AGAP1: variants seen among roughly 807,000 people sequenced by gnomAD.
The protein encoded by AGAP1 is ArfGAP with GTPase domain, ankyrin repeat and PH domain 1.
In AGAP1, 29 loss-of-function variants were observed where a neutral mutation model predicts 105.3. The observed-to-expected ratio is 0.28, with a 90% CI of 0.21 to 0.38. The LOEUF is 0.38. Ranked by LOEUF, AGAP1 falls within the 10% of genes least tolerant of loss-of-function variation. The pLI is 1.00. For synonymous variants in AGAP1, 509 were observed against 485.9 expected (o/e 1.05, Z -0.63); for missense variants, 998 against 1,165.1 (o/e 0.86, Z 2.09).
rs1287211404 is a variant in AGAP1 at position 236,051,721 on chromosome 2, G to C, written c.2114+2440G>C. Among the ~76,000 whole-genome samples the C allele has an allele frequency of 2.6e-5, 4 of 152,198 alleles. No individual in the cohort carries two copies. Among genetic ancestry groups the C allele is most frequent in the Non-Finnish European group, 5.9e-5 (4 of 68,036 alleles). ...CCCTGGGGGCAGGGGAGAGGGGAAGGGTTTGTCTATTCATGGGTTCTGTCT... is the reference window on the plus strand; with the variant it reads ...CCCTGGGGGCAGGGGAGAGGGGAAGCGTTTGTCTATTCATGGGTTCTGTCT... On this transcript the variant is annotated intron_variant, in intron 16 of 17. Coordinates refer to ENST00000304032, the MANE Select transcript of AGAP1 (RefSeq NM_001037131.3). The surrounding 1 kb of genome is among the most constrained non-coding windows in gnomAD (Gnocchi z 5.9).
intron 9 of AGAP1, among the ~76,000 whole-genome samples, chr2:235,847,343 TC>T (rs1246742675): frequency 1.3e-5 from 2 of 152,248 alleles, no homozygotes; most frequent in Non-Finnish European, 2.9e-5. Context: ...GAATGCTCTT[TC>T]TACTCACTGA....
chr2:235,583,965 C>A (rs1384744768), intron 1 of AGAP1, among the ~76,000 whole-genome samples: 1 of 152,022 alleles, frequency 6.6e-6, no homozygotes, highest in African/African-American at 2.4e-5. Context: ...CTCGGCCCCC[C>A]AGAGTGCTGG....
Position 235,690,975 on chromosome 2 carries a change from G to A in AGAP1, c.164-18204G>A, listed in dbSNP as rs1320555326. Among the ~76,000 whole-genome samples, 1 of 152,146 alleles carries A rather than the reference G, an allele frequency of 6.6e-6. No homozygotes were observed. The highest frequency in any genetic ancestry group is 1.5e-5 in the Non-Finnish European group (1 of 68,026). On this transcript the variant is annotated intron_variant, in intron 1 of 17. Coordinates refer to ENST00000304032, the MANE Select transcript of AGAP1 (RefSeq NM_001037131.3). This position sits in a 1 kb window ranked among gnomAD's most constrained non-coding sequence, Gnocchi z 4.1. Reference sequence around the variant, plus strand: ...AGATATGCCAGGAGCCTTCTTGGAAGTCGCTCACCACCTGGTTTTCTCCAA... The same window carrying A: ...AGATATGCCAGGAGCCTTCTTGGAAATCGCTCACCACCTGGTTTTCTCCAA...
intron 12 of AGAP1, among the ~76,000 whole-genome samples, chr2:235,945,162 G>A (rs1053582741): frequency 3.9e-5 from 6 of 152,090 alleles, no homozygotes; most frequent in African/African-American, 9.7e-5. Context: ...GTGCAGTGGC[G>A]CGATCTCGGC....
At chr2:235,575,709 T>G (rs1944710321) in intron 1 of AGAP1, among the ~76,000 whole-genome samples, 1 of 152,206 alleles carries the variant, frequency 6.6e-6, no homozygotes, top group African/African-American at 2.4e-5. Context: ...CGCACAGGTT[T>G]GCATGCCTAA....
Position 235,705,085 on chromosome 2 carries a change from T to C in AGAP1, c.164-4094T>C, listed in dbSNP as rs1950473391. Among the ~76,000 whole-genome samples, 3 of 146,650 alleles carry C rather than the reference T, an allele frequency of 2.0e-5. No individual in the cohort carries two copies. Among genetic ancestry groups the C allele is most frequent in the South Asian group, 4.7e-4 (2 of 4,240 alleles). On this transcript the variant is annotated intron_variant, in intron 1 of 17. Coordinates refer to ENST00000304032, the MANE Select transcript of AGAP1 (RefSeq NM_001037131.3). The surrounding 1 kb of genome is among the most constrained non-coding windows in gnomAD (Gnocchi z 4.9). ...CCTCTACCTCCCGGGTTCAAGCACT[T>C]CTCCTGCCTCAGCCTCCCGAGCAGC...
At position 236,005,288 on chromosome 2, in the gene AGAP1, G is replaced by A. The variant is rs1576033694; in HGVS notation, c.1646-31273G>A. On this transcript the variant is annotated intron_variant, in intron 13 of 17. Coordinates refer to ENST00000304032, the MANE Select transcript of AGAP1 (RefSeq NM_001037131.3). The surrounding 1 kb of genome is among the most constrained non-coding windows in gnomAD (Gnocchi z 4.1). ...AGCCTCCCAAATAGCTGGGACTACA[G>A]GAGTGTGCCACCGGCTAATTTTTTT... Among the ~76,000 whole-genome samples the A allele has an allele frequency of 6.6e-6, 1 of 152,080 alleles. No homozygotes were observed. Among genetic ancestry groups the A allele is most frequent in the East Asian group, 1.9e-4 (1 of 5,182 alleles).
chr2:235,661,067 A>C (rs1947931451), intron 1 of AGAP1, among the ~76,000 whole-genome samples: 1 of 152,146 alleles, frequency 6.6e-6, no homozygotes, highest in Admixed American at 6.6e-5. Flanking sequence ...CTCTGATTGC[A>C]GGAGTAAGGA....
At chr2:235,860,420 C>T (rs975022570) in intron 9 of AGAP1, among the ~76,000 whole-genome samples, 1 of 152,000 alleles carries the variant, frequency 6.6e-6, no homozygotes, top group African/African-American at 2.4e-5. Flanking sequence ...CTTTTTCTAA[C>T]TGCGCAGCTT....
Position 235,893,014 on chromosome 2 carries a change from A to G in AGAP1, c.1155+9565A>G, listed in dbSNP as rs1277921533. 6.6e-6 allele frequency among the ~76,000 whole-genome samples: 1 copy of G among 152,180 alleles called. No homozygotes were observed. Among genetic ancestry groups the G allele is most frequent in the Non-Finnish European group, 1.5e-5 (1 of 68,028 alleles). On this transcript the variant is annotated intron_variant, in intron 10 of 17. Coordinates refer to ENST00000304032, the MANE Select transcript of AGAP1 (RefSeq NM_001037131.3). The surrounding 1 kb of genome is among the most constrained non-coding windows in gnomAD (Gnocchi z 4.7). Reference sequence around the variant, plus strand: ...AAGGCGTGATTCATCTTAAGATCAAAAATTATTTCATCTTGCTTTCTTGGT... The same window carrying G: ...AAGGCGTGATTCATCTTAAGATCAAGAATTATTTCATCTTGCTTTCTTGGT...
At chr2:235,670,856 G>C (rs1948370834) in intron 1 of AGAP1, 1 of 1,396,736 alleles carries the variant, frequency 7.2e-7, no homozygotes, top group Admixed American at 3.1e-5. Flanking sequence ...CGCGCGGGCG[G>C]CGGCCGGGGC....
In AGAP1 at chr2:236,087,453, A is replaced by T. The variant is rs1374430478; in HGVS notation, c.2115-32739A>T. Among the ~76,000 whole-genome samples the T allele has an allele frequency of 6.6e-6, 1 of 152,166 alleles. No homozygotes were observed. The highest frequency in any genetic ancestry group is 1.5e-5 in the Non-Finnish European group (1 of 68,024). On this transcript the variant is annotated intron_variant, in intron 16 of 17. Transcript: ENST00000304032. This position sits in a 1 kb window ranked among gnomAD's most constrained non-coding sequence, Gnocchi z 5.7. Reference sequence around the variant, plus strand: ...TGACCTAGCCACTTCTCATGGCTCTACCACACCATCTTCCCGAGAGAGCCT... The same window carrying T: ...TGACCTAGCCACTTCTCATGGCTCTTCCACACCATCTTCCCGAGAGAGCCT...
chr2:235,628,922 C>CA (rs1946729970), intron 1 of AGAP1, among the ~76,000 whole-genome samples: 1 of 152,096 alleles, frequency 6.6e-6, no homozygotes, highest in Non-Finnish European at 1.5e-5. Context: ...AGCAATTCTC[C>CA]TGCCTTAGCC....
At chr2:235,776,705 C>T (rs1559472895) in intron 6 of AGAP1, among the ~76,000 whole-genome samples, 1 of 152,194 alleles carries the variant, frequency 6.6e-6, no homozygotes, top group East Asian at 1.9e-4. Context: ...CTATGCCCTG[C>T]AGGGAGCGGA....
chr2:235,716,778 G>A lies in AGAP1; in HGVS notation c.223-779G>A, dbSNP rs192105812. ...CGGCCACTTGGAGGCTGGGAGGCCA[G>A]GTGTGTCTCCTGTGTCAACAGGGAG... is the stretch of plus-strand genomic sequence containing the variant. On this transcript the variant is annotated intron_variant, in intron 2 of 17. Coordinates refer to ENST00000304032, the MANE Select transcript of AGAP1 (RefSeq NM_001037131.3). This position sits in a 1 kb window ranked among gnomAD's most constrained non-coding sequence, Gnocchi z 4.0. Among the ~76,000 whole-genome samples, 128 of 152,218 alleles carry A rather than the reference G, an allele frequency of 8.4e-4. 3 individuals are homozygous for A. The East Asian group carries it at 0.02, about 24-fold the overall frequency.
intron 6 of AGAP1, among the ~76,000 whole-genome samples, chr2:235,756,249 G>A (rs1953915774): frequency 6.6e-6 from 1 of 152,204 alleles, no homozygotes; most frequent in Non-Finnish European, 1.5e-5. Flanking sequence ...GAGGAACACA[G>A]GGGCCTGTGT....
rs192278236 is a variant in AGAP1 at position 235,855,508 on chromosome 2, G to T, written c.1051-27837G>T. ...ACTGTGTTACGTTCAGTATGTTTTT[G>T]AAGTCATAAAAGTTGAGTTATAGTA... is the stretch of plus-strand genomic sequence containing the variant. On this transcript the variant is annotated intron_variant, in intron 9 of 17. Transcript: ENST00000304032. The surrounding 1 kb of genome is among the most constrained non-coding windows in gnomAD (Gnocchi z 5.0). Among the ~76,000 whole-genome samples the T allele has an allele frequency of 6.6e-6, 1 of 152,276 alleles. No individual in the cohort carries two copies. Among genetic ancestry groups the T allele is most frequent in the East Asian group, 1.9e-4 (1 of 5,184 alleles).
chr2:235,587,910 A>G (rs536209754), intron 1 of AGAP1, among the ~76,000 whole-genome samples: 4 of 152,016 alleles, frequency 2.6e-5, no homozygotes, highest in African/African-American at 9.6e-5. Flanking sequence ...CATGAACGGA[A>G]GGGAAGTCAT....
In AGAP1 at chr2:235,894,060, A is replaced by G. The variant is rs142469557; in HGVS notation, c.1155+10611A>G. Among the ~76,000 whole-genome samples, 14 of 152,336 alleles carry G rather than the reference A, an allele frequency of 9.2e-5. No homozygotes were observed. The East Asian group carries it at 2.5e-3, about 27-fold the overall frequency. ...ACACATCACTGGAATCCAAAAAGCA[A>G]TCCATTTAGAGGCATATGAGGAGAT... On this transcript the variant is annotated intron_variant, in intron 10 of 17. Transcript: ENST00000304032.
Sources: allele counts gnomAD v4.1 joint callset (sites outside exome capture counted in the v4.1 genomes callset), GRCh38; gene constraint gnomAD v4.1.1; non-coding constraint Gnocchi (gnomAD v3.1); transcripts MANE v1.5; gene names NCBI Gene and HGNC (gene_info 2026-07-23, HGNC 2026-07-21).